Variants in LGSN observed in about 807,000 individuals in gnomAD.
LGSN encodes lengsin, lens protein with glutamine synthetase domain, also known as lengsin.
A neutral mutation model predicts 19.5 loss-of-function variants in LGSN; 21 were observed. The ratio of observed to expected loss-of-function variants is 1.07; its 90% confidence interval spans 0.76 to 1.55. LGSN has a LOEUF of 1.55. Ranked by LOEUF, LGSN falls within the 40% of genes most tolerant of loss-of-function variation. The probability of loss-of-function intolerance (pLI) is 0.00; values close to 1 mark genes in which losing one functional copy is unlikely to be tolerated. For missense variants in LGSN, 673 were observed against 608.5 expected (o/e 1.11, Z -1.12); for synonymous variants, 257 against 215.6 (o/e 1.19, Z -1.68).
At chr6:63,558,307 A>T in the LGSN span, among the ~76,000 whole-genome samples, 1 of 152,202 alleles carries the variant, frequency 6.6e-6, no homozygotes, top group Non-Finnish European at 1.5e-5. Context: ...GAGAGAAAGA[A>T]GCAGGGAAGG....
the LGSN span, among the ~76,000 whole-genome samples, chr6:63,502,207 T>C: frequency 6.6e-6 from 1 of 152,212 alleles, no homozygotes; most frequent in Admixed American, 6.5e-5. Flanking sequence ...GGAAATACTT[T>C]GGAAATACTT....
At chr6:63,550,925 C>T in the LGSN span, among the ~76,000 whole-genome samples, 1 of 152,208 alleles carries the variant, frequency 6.6e-6, no homozygotes, top group Middle Eastern at 3.4e-3. Context: ...CGTGCCCAGC[C>T]CCATAATTTT....
chr6:63,320,284 T>C (rs1413456382), upstream of LGSN, among the ~76,000 whole-genome samples: 1 of 152,194 alleles, frequency 6.6e-6, no homozygotes, highest in Non-Finnish European at 1.5e-5. Context: ...TCTGGAATGA[T>C]ATCTATTGTC....
At chr6:63,438,655 A>C in the LGSN span, among the ~76,000 whole-genome samples, 1 of 152,216 alleles carries the variant, frequency 6.6e-6, no homozygotes, top group African/African-American at 2.4e-5. Context: ...CCACAATGAG[A>C]TACCATCTCA....
the LGSN span, among the ~76,000 whole-genome samples, chr6:63,407,606 T>G: frequency 6.6e-6 from 1 of 152,214 alleles, no homozygotes; most frequent in Non-Finnish European, 1.5e-5. Flanking sequence ...AGCATTCCCT[T>G]TGAAAACCGG....
chr6:63,343,807 T>TG, the LGSN span, among the ~76,000 whole-genome samples: 1 of 152,190 alleles, frequency 6.6e-6, no homozygotes, highest in Non-Finnish European at 1.5e-5. Flanking sequence ...TCATATCCCA[T>TG]GAGCCTTTTA....
chr6:63,527,414 CAAAT>C, the LGSN span, among the ~76,000 whole-genome samples: 5 of 152,144 alleles, frequency 3.3e-5, no homozygotes, highest in Admixed American at 6.6e-5. Context: ...AAGGACCTAA[CAAAT>C]AGTCATCTAC....
At chr6:63,452,603 G>A in the LGSN span, among the ~76,000 whole-genome samples, 1 of 151,212 alleles carries the variant, frequency 6.6e-6, no homozygotes, top group Admixed American at 6.6e-5. Flanking sequence ...AGTATTTGTA[G>A]GAAATGTAAT....
the LGSN span, among the ~76,000 whole-genome samples, chr6:63,332,795 GC>G: frequency 1.3e-5 from 2 of 152,112 alleles, no homozygotes; most frequent in Non-Finnish European, 2.9e-5. Flanking sequence ...TGGTCTCACT[GC>G]TTGGCGATTG....
the LGSN span, among the ~76,000 whole-genome samples, chr6:63,390,198 T>G: frequency 1.0e-3 from 148 of 148,554 alleles, no homozygotes; most frequent in African/African-American, 3.6e-3. Flanking sequence ...GGCGCAATCT[T>G]GTCTCACTGC....
the LGSN span, among the ~76,000 whole-genome samples, chr6:63,564,343 T>G: frequency 6.6e-6 from 1 of 152,080 alleles, no homozygotes; most frequent in Non-Finnish European, 1.5e-5. Flanking sequence ...TTCAGTATCT[T>G]CCAGCCATGA....
chr6:63,339,868 T>C, the LGSN span, among the ~76,000 whole-genome samples: 1 of 152,158 alleles, frequency 6.6e-6, no homozygotes, highest in Admixed American at 6.5e-5. Flanking sequence ...TATATTCTCA[T>C]GTGTTTTCAT....
chr6:63,490,522 T>C, the LGSN span, among the ~76,000 whole-genome samples: 3 of 152,196 alleles, frequency 2.0e-5, no homozygotes, highest in Admixed American at 6.5e-5. Context: ...GCCAGAGTTC[T>C]CCAAAGAAAC....
chr6:63,298,542 A>T (rs1268029668), intron 1 of LGSN, among the ~76,000 whole-genome samples: 1 of 152,050 alleles, frequency 6.6e-6, no homozygotes, highest in Middle Eastern at 3.2e-3. Flanking sequence ...GTAGGGAAAA[A>T]TCTTCGGCTT....
chr6:63,541,113 A>G, the LGSN span, among the ~76,000 whole-genome samples: 1 of 152,180 alleles, frequency 6.6e-6, no homozygotes, highest in Non-Finnish European at 1.5e-5. Flanking sequence ...ACTAAGGAGT[A>G]TAATTAACTC....
the LGSN span, among the ~76,000 whole-genome samples, chr6:63,423,032 G>A: frequency 2.0e-5 from 3 of 152,134 alleles, no homozygotes; most frequent in Non-Finnish European, 4.4e-5. Flanking sequence ...CAAAAGAAGA[G>A]TGGCTAAACT....
the LGSN span, chr6:63,572,543 C>G: frequency 2.5e-6 from 1 of 396,340 alleles, no homozygotes; most frequent in South Asian, 1.2e-4. Context: ...CTGCTCCGAG[C>G]CGCTCACTGC....
At chr6:63,316,629 G>A (rs1286079805) in intron 1 of LGSN, among the ~76,000 whole-genome samples, 1 of 152,046 alleles carries the variant, frequency 6.6e-6, no homozygotes, top group Non-Finnish European at 1.5e-5. Context: ...GAGAAATTAA[G>A]ATCGTATGGC....
At chr6:63,570,578 C>T in the LGSN span, among the ~76,000 whole-genome samples, 1 of 152,170 alleles carries the variant, frequency 6.6e-6, no homozygotes, top group Admixed American at 6.5e-5. Flanking sequence ...ACTTGTATCA[C>T]AAGTTCTACA....
Sources: allele counts gnomAD v4.1 joint callset (sites outside exome capture counted in the v4.1 genomes callset), GRCh38; gene constraint gnomAD v4.1.1; transcripts MANE v1.5; gene names NCBI Gene and HGNC (gene_info 2026-07-23, HGNC 2026-07-21).